The following KATNIP variants were observed in gnomAD, a reference collection of about 807,000 sequenced individuals.
KATNIP encodes the protein katanin-interacting protein.
KATNIP carries 126 observed loss-of-function variants against 174.0 expected under a neutral mutation model. The ratio of observed to expected loss-of-function variants is 0.72; its 90% confidence interval spans 0.63 to 0.84. The LOEUF (loss-of-function observed/expected upper bound fraction) is 0.84. Ranked by LOEUF, KATNIP falls within the 40% of genes least tolerant of loss-of-function variation. The pLI is 0.00. For missense variants in KATNIP, 1,958 were observed against 2,109.7 expected (o/e 0.93, Z 1.41); for synonymous variants, 810 against 835.7 (o/e 0.97, Z 0.53).
At chr16:27,593,533 C>T (rs927482781) in intron 2 of KATNIP, among the ~76,000 whole-genome samples, 12 of 151,680 alleles carry the variant, frequency 7.9e-5, no homozygotes, top group Non-Finnish European at 1.6e-4. Flanking sequence ...CCACCGTGTC[C>T]GTCCTAAACT....
At chr16:27,751,692 C>T in intron 16 of KATNIP, 27 bp from the exon 17 acceptor site, 5 of 1,609,036 alleles carry the variant, frequency 3.1e-6, no homozygotes, top group Non-Finnish European at 4.3e-6. Flanking sequence ...GTGAGTTGAC[C>T]TTTCTGTCAT....
rs200680549 is a variant in KATNIP at position 27,740,531 on chromosome 16, G to A, written c.2234G>A (p.Cys745Tyr). The part of the protein sequence containing the change: ...QLENLMGRKI[C>Y]EPPGKTPSWL... ...GAAAACCTCATGGGCAGAAAAATCTGTGAGCCACCCGGGAAAACCCCATCC... is the reference window on the plus strand; with the variant it reads ...GAAAACCTCATGGGCAGAAAAATCTATGAGCCACCCGGGAAAACCCCATCC... Residue 745 changes from cysteine (C) to tyrosine (Y), a missense_variant, in exon 15 of 28, where the codon TGT (cysteine) becomes TAT (tyrosine). Cys to Tyr is a radical substitution (Grantham distance 194). This residue lies in a region of KATNIP where 1,557 missense variants were observed against 1,617.8 expected (regional missense o/e 0.96). Coordinates refer to ENST00000261588, the MANE Select transcript of KATNIP (RefSeq NM_015202.5). The A allele has an allele frequency of 7.4e-6, 12 of 1,614,120 alleles. No individual in the cohort carries two copies. In the South Asian group the frequency reaches 1.2e-4, roughly 16 times the overall value.
At position 27,740,917 on chromosome 16, in the gene KATNIP, A is replaced by C. The variant is rs777356696; in HGVS notation, c.2620A>C (p.Arg874=). ...SSHGDDQPAS[R]EDTWSSRTPS... The stretch of plus-strand genomic sequence containing the variant: ...TCATGGGGACGACCAGCCAGCCAGC[A>C]GAGGTAAGCTCCAAAGAGCAGCCCG... The change falls in exon 15 of 28, where the codon AGA becomes CGA. Residue 874 remains arginine, a synonymous_variant. Coordinates refer to ENST00000261588, the MANE Select transcript of KATNIP (RefSeq NM_015202.5). The C allele has an allele frequency of 1.9e-6, 3 of 1,590,276 alleles. No homozygotes were observed. The South Asian group carries it at 3.4e-5, about 18-fold the overall frequency.
intron 2 of KATNIP, among the ~76,000 whole-genome samples, chr16:27,604,665 C>T (rs1200942908): frequency 6.6e-6 from 1 of 152,134 alleles, no homozygotes; most frequent in Non-Finnish European, 1.5e-5. Flanking sequence ...AGTGTTCAGC[C>T]AATACTGAAG....
At chr16:27,698,617 C>A in intron 9 of KATNIP, 117 bp downstream of exon 9, 2 of 993,840 alleles carry the variant, frequency 2.0e-6, no homozygotes, top group African/African-American at 1.6e-5. Context: ...ATCGCTGACC[C>A]CAGACTCATC....
intron 8 of KATNIP, among the ~76,000 whole-genome samples, chr16:27,688,014 G>A (rs1657422221): frequency 6.6e-6 from 1 of 152,188 alleles, no homozygotes; most frequent in South Asian, 2.1e-4. Context: ...TTGGCCTCAG[G>A]GATGGTGGGA....
At chr16:27,755,566 T>C (rs904068711) in intron 18 of KATNIP, 3 of 152,222 alleles carry the variant, frequency 2.0e-5, no homozygotes, top group Non-Finnish European at 4.4e-5. Flanking sequence ...CATGTCTTTA[T>C]CTGTATCAAC....
chr16:27,741,713 G>A (rs948430653), intron 15 of KATNIP, among the ~76,000 whole-genome samples: 11 of 152,138 alleles, frequency 7.2e-5, no homozygotes. Context: ...GACCAGCCTG[G>A]CCAACATGGT....
In KATNIP at chr16:27,668,580, TAC is replaced by T. The variant is rs1347587866; in HGVS notation, c.541-9147_541-9146del. Among the ~76,000 whole-genome samples, 5 of 152,340 alleles carry T rather than the reference TAC, an allele frequency of 3.3e-5. No homozygotes were observed. In the East Asian group the frequency reaches 9.6e-4, roughly 29 times the overall value. On this transcript the variant is annotated intron_variant, in intron 6 of 27. Coordinates refer to ENST00000261588, the MANE Select transcript of KATNIP (RefSeq NM_015202.5). ...TATCAGCAGCGTGAAAACGGACTAA[TAC>T]AGAGTCAGATGGTCATTCCTCCATA... is the stretch of plus-strand genomic sequence containing the variant.
At position 27,720,248 on chromosome 16, in the gene KATNIP, G is replaced by A. The variant is rs1249519498; in HGVS notation, c.1606-1310G>A. ...TGGGATTACAGGCATGCACCACCAC[G>A]CCCAGCTAATTTTTGCATTATTAGT... is the stretch of plus-strand genomic sequence containing the variant. On this transcript the variant is annotated intron_variant, in intron 13 of 27. Coordinates refer to ENST00000261588, the MANE Select transcript of KATNIP (RefSeq NM_015202.5). Among the ~76,000 whole-genome samples the A allele has an allele frequency of 2.6e-5, 4 of 151,694 alleles. No homozygotes were observed. The East Asian group carries it at 5.9e-4, about 22-fold the overall frequency.
chr16:27,677,822 C>T lies in KATNIP; in HGVS notation c.634C>T (p.Leu212Phe). Reference sequence around the variant, plus strand: ...GTATGACTCTATTGAGGAAGACATACTCTCTGAGCCTGAGCCAGAGGACCC... The same window carrying T: ...GTATGACTCTATTGAGGAAGACATATTCTCTGAGCCTGAGCCAGAGGACCC... ...DEYDSIEEDI[L>F]SEPEPEDPAL... Residue 212 changes from leucine (L) to phenylalanine (F), a missense_variant, in exon 7 of 28, where the codon CTC (leucine) becomes TTC (phenylalanine). Physicochemically the swap from Leu to Phe is conservative, Grantham distance 22. This residue lies in a region of KATNIP where 1,557 missense variants were observed against 1,617.8 expected (regional missense o/e 0.96). Coordinates refer to ENST00000261588, the MANE Select transcript of KATNIP (RefSeq NM_015202.5). 2 of 1,614,226 alleles carry T rather than the reference C, an allele frequency of 1.2e-6. No individual in the cohort carries two copies. Among genetic ancestry groups the T allele is most frequent in the Non-Finnish European group, 1.7e-6 (2 of 1,180,042 alleles).
intron 1 of KATNIP, among the ~76,000 whole-genome samples, chr16:27,556,518 G>C (rs773855918): frequency 6.6e-6 from 1 of 152,174 alleles, no homozygotes; most frequent in Non-Finnish European, 1.5e-5. Flanking sequence ...GCTTTTCACT[G>C]CTCCCCTAGA....
At chr16:27,719,323 G>C (rs374767968) in intron 13 of KATNIP, among the ~76,000 whole-genome samples, 1 of 152,168 alleles carries the variant, frequency 6.6e-6, no homozygotes, top group African/African-American at 2.4e-5. Flanking sequence ...CATGTCTTCC[G>C]AGTCTGCAGA....
intron 18 of KATNIP, among the ~76,000 whole-genome samples, chr16:27,756,335 G>A (rs1309911243): frequency 2.0e-5 from 3 of 152,344 alleles, no homozygotes; most frequent in African/African-American, 4.8e-5. Context: ...CATTAGGCAA[G>A]AGCCTGGGTT....
At position 27,708,765 on chromosome 16, in the gene KATNIP, C is replaced by T; in HGVS notation, c.1450C>T (p.Leu484=). 1 of 1,613,910 alleles carries T rather than the reference C, an allele frequency of 6.2e-7. No homozygotes were observed. The highest frequency in any genetic ancestry group is 8.5e-7 in the Non-Finnish European group (1 of 1,180,004). The change falls in exon 13 of 28, where the codon CTG becomes TTG. Residue 484 remains leucine (L), a synonymous_variant. Transcript: ENST00000261588. ...KDAIYVTMEI[L]SNWGNSWWVG... ...TGCCATCTACGTGACCATGGAGATC[C>T]TGTCCAACTGGGGCAACTCGTGGTG...
At position 27,778,711 on chromosome 16, in the gene KATNIP, C is replaced by A; in HGVS notation, c.*82C>A. ...ACTCAGTGCCTGCGTCCCTCACCCT[C>A]AGTCCCAGGAGCTGGAAGCGAACCA... On this transcript the variant is annotated 3_prime_UTR_variant, in exon 28 of 28. Transcript: ENST00000261588. The A allele has an allele frequency of 7.1e-7, 1 of 1,404,998 alleles. No individual in the cohort carries two copies. Among genetic ancestry groups the A allele is most frequent in the Non-Finnish European group, 9.9e-7 (1 of 1,011,128 alleles). The allele number at this position is 1,404,998 out of a possible 1,614,324, so 87.0% of individuals were successfully genotyped here. A position where few individuals can be genotyped will look rare whatever the true frequency, so the allele number is the denominator to read the frequency against.
At chr16:27,748,185 C>G (rs926203815) in intron 15 of KATNIP, among the ~76,000 whole-genome samples, 13 of 152,238 alleles carry the variant, frequency 8.5e-5, no homozygotes, top group African/African-American at 2.7e-4. Flanking sequence ...GCCTTCAGAT[C>G]AGTCTGGGAC....
intron 5 of KATNIP, chr16:27,632,319 A>G (rs1023530288): frequency 2.5e-4 from 44 of 175,832 alleles, no homozygotes; most frequent in African/African-American, 1.0e-3. Flanking sequence ...GAAGCCAGAA[A>G]ACTGCACTTT....
At chr16:27,748,547 C>T (rs1388844577) in intron 15 of KATNIP, among the ~76,000 whole-genome samples, 4 of 152,190 alleles carry the variant, frequency 2.6e-5, no homozygotes, top group African/African-American at 4.8e-5. Context: ...GCCATGATCA[C>T]GCCACTGCAC....
Sources: gnomAD v4.1 joint callset for allele counts (sites outside exome capture counted in the v4.1 genomes callset) on GRCh38, gnomAD v4.1.1 for gene constraint, gnomAD v4.1.1 regional missense constraint, MANE v1.5 for transcripts, NCBI Gene and HGNC (gene_info 2026-07-23, HGNC 2026-07-21) for gene names.